ZC3H3: variants seen among roughly 807,000 people sequenced by gnomAD.
ZC3H3 encodes the protein zinc finger CCCH-type containing 3.
A neutral mutation model predicts 77.3 loss-of-function variants in ZC3H3; 36 were observed. That is an observed-to-expected ratio of 0.47 (90% confidence interval 0.36 to 0.61). The LOEUF (loss-of-function observed/expected upper bound fraction) is 0.61, where lower values mean the gene tolerates loss of function less well. Among genes scored for constraint, ZC3H3 ranks in the 20% least tolerant of loss-of-function variants. The pLI is 0.00. For missense variants in ZC3H3, 1,331 were observed against 1,312.2 expected (o/e 1.01, Z -0.22); for synonymous variants, 626 against 555.2 (o/e 1.13, Z -1.79).
chr8:143,515,673 C>T (rs1010464508), intron 3 of ZC3H3, among the ~76,000 whole-genome samples: 30 of 152,204 alleles, frequency 2.0e-4, no homozygotes, highest in African/African-American at 7.2e-4. Flanking sequence ...CCAGCCACAT[C>T]AGCTGAGGGC....
chr8:143,484,791 G>T (rs913778654), intron 4 of ZC3H3: 2 of 409,240 alleles, frequency 4.9e-6, no homozygotes, highest in Non-Finnish European at 9.7e-6. Flanking sequence ...GGACCCCTCA[G>T]GTCACTGCTG....
chr8:143,534,050 A>T (rs1425512984), intron 3 of ZC3H3, among the ~76,000 whole-genome samples: 1 of 151,950 alleles, frequency 6.6e-6, no homozygotes, highest in Non-Finnish European at 1.5e-5. Context: ...TTAAGAGACT[A>T]AGGCAGGAGG....
At position 143,471,961 on chromosome 8, in the gene ZC3H3, G is replaced by A. The variant is rs538209574; in HGVS notation, c.1904-3302C>T. On this transcript the variant is annotated intron_variant, in intron 5 of 11. Transcript: ENST00000262577. ...AGCTGGAGCTGTGGCCTCGCCTGTC[G>A]ACCCAAAGGGCGAGTGCGGCCTCAC... Among the ~76,000 whole-genome samples the A allele has an allele frequency of 1.1e-3, 172 of 152,340 alleles. 3 individuals are homozygous for A. Among genetic ancestry groups the A allele is most frequent in the African/African-American group, 3.7e-3 (153 of 41,568 alleles).
At chr8:143,452,754 C>T (rs115044018) in intron 9 of ZC3H3, among the ~76,000 whole-genome samples, 3,542 of 152,206 alleles carry the variant, frequency 0.023, 143 homozygotes, top group African/African-American at 0.081. Context: ...GACAGAATAA[C>T]AGAAATTAAC....
At chr8:143,485,934 C>T (rs1343805230) in intron 4 of ZC3H3, among the ~76,000 whole-genome samples, 1 of 152,272 alleles carries the variant, frequency 6.6e-6, no homozygotes, top group Non-Finnish European at 1.5e-5. Context: ...AGACACGGGC[C>T]TGAGAATCCT....
intron 3 of ZC3H3, among the ~76,000 whole-genome samples, chr8:143,512,590 G>A (rs967201288): frequency 6.6e-6 from 1 of 152,160 alleles, no homozygotes; most frequent in African/African-American, 2.4e-5. Context: ...CAGGCAAGCA[G>A]GACACGGCCT....
rs756678279 is a variant in ZC3H3, at chr8:143,538,189, C to T, written c.1178G>A (p.Arg393His). 11 of 1,612,996 alleles carry T rather than the reference C, an allele frequency of 6.8e-6. No individual in the cohort carries two copies. The highest frequency in any genetic ancestry group is 4.5e-5 in the East Asian group (2 of 44,888). ...CTTGCTGCTGGCCTCCGACTGCCAA[C>T]GGAAGGAGGAAGAGGAGGAGGCAGA... ...SPSASSSSSF[R>H]WQSEASSKDH... The change falls in exon 2 of 12, where the codon CGT (arginine) becomes CAT (histidine). Residue 393 changes from arginine to histidine, a missense_variant. By Grantham distance (29) the Arg-to-His change is conservative. Transcript: ENST00000262577.
chr8:143,458,972 A>G (rs75989265), intron 9 of ZC3H3, among the ~76,000 whole-genome samples: 2,053 of 152,230 alleles, frequency 0.013, 45 homozygotes, highest in African/African-American at 0.045. Context: ...AAAAAAAAAG[A>G]AAAAGAAAGA....
At chr8:143,450,687 C>A (rs759333324) in intron 9 of ZC3H3, among the ~76,000 whole-genome samples, 8 of 152,126 alleles carry the variant, frequency 5.3e-5, no homozygotes, top group Non-Finnish European at 8.8e-5. Context: ...GGAGGTGCTA[C>A]ACACTTTTAA....
chr8:143,503,153 C>T (rs188265406), intron 4 of ZC3H3, among the ~76,000 whole-genome samples: 35 of 152,334 alleles, frequency 2.3e-4, no homozygotes, highest in African/African-American at 5.8e-4. Context: ...GCTGTTGCCC[C>T]GCCCCAAGCA....
At chr8:143,448,726 CTCTTCT>C (rs1248022909) in intron 9 of ZC3H3, among the ~76,000 whole-genome samples, 1 of 152,226 alleles carries the variant, frequency 6.6e-6, no homozygotes, top group Non-Finnish European at 1.5e-5. Context: ...GACAGTGGCC[CTCTTCT>C]CACAGCTCCA....
chr8:143,476,691 G>A (rs1314654838), intron 4 of ZC3H3, among the ~76,000 whole-genome samples: 4 of 152,218 alleles, frequency 2.6e-5, no homozygotes, highest in African/African-American at 9.7e-5. Context: ...GACATTTTTG[G>A]GCAGCCATGG....
Position 143,494,119 on chromosome 8 carries a change from C to T in ZC3H3, c.1715+13627G>A, listed in dbSNP as rs1310076856. 1.3e-5 allele frequency among the ~76,000 whole-genome samples: 2 copies of T among 152,164 alleles called. No homozygotes were observed. Among genetic ancestry groups the T allele is most frequent in the Non-Finnish European group, 2.9e-5 (2 of 68,026 alleles). ...GGGGAAGGGGAGCGCTGAGGGCCAT[C>T]CCCACAGGCCTCCCCAGGGCCAGGA... On this transcript the variant is annotated intron_variant, in intron 4 of 11. Transcript: ENST00000262577. The surrounding 1 kb of genome is among the most constrained non-coding windows in gnomAD (Gnocchi z 5.3).
At position 143,538,789 on chromosome 8, in the gene ZC3H3, T is replaced by G; in HGVS notation, c.578A>C (p.Gln193Pro). The change falls in exon 2 of 12, where the codon CAG becomes CCG. Residue 193 changes from glutamine (Q) to proline (P), a missense_variant. Coordinates refer to ENST00000262577, the MANE Select transcript of ZC3H3 (RefSeq NM_015117.3). ...CSVEDPLLVC[Q>P]KEPGKPRMVK... ...CATCCTGGGCTTACCAGGCTCCTTC[T>G]GGCAGACCAGAAGAGGATCTTCCAC... 1 of 1,612,372 alleles carries G rather than the reference T, an allele frequency of 6.2e-7. No homozygotes were observed. Among genetic ancestry groups the G allele is most frequent in the Non-Finnish European group, 8.5e-7 (1 of 1,179,876 alleles).
chr8:143,447,842 C>T (rs933227775), intron 9 of ZC3H3, among the ~76,000 whole-genome samples: 1 of 152,170 alleles, frequency 6.6e-6, no homozygotes, highest in East Asian at 1.9e-4. Context: ...CATTAGTAAC[C>T]GGCAGGGATG....
intron 4 of ZC3H3, among the ~76,000 whole-genome samples, chr8:143,502,248 C>CTTCACTGTGT (rs1563864102): frequency 5.3e-5 from 8 of 152,248 alleles, no homozygotes; most frequent in African/African-American, 1.9e-4. Flanking sequence ...CGGCCCCAGC[C>CTTCACTGTGT]GACGAAGACA....
At chr8:143,523,015 C>A (rs1276162136) in intron 3 of ZC3H3, among the ~76,000 whole-genome samples, 2 of 152,314 alleles carry the variant, frequency 1.3e-5, no homozygotes, top group East Asian at 3.9e-4. Context: ...ATACACAGAA[C>A]CTGAGCCCCC....
At chr8:143,452,622 A>G (rs927837340) in intron 9 of ZC3H3, among the ~76,000 whole-genome samples, 2 of 151,582 alleles carry the variant, frequency 1.3e-5, no homozygotes, top group Admixed American at 1.3e-4. Flanking sequence ...AGAAAGTATC[A>G]ACAGAGAAAA....
chr8:143,539,364 G>A (rs780927589), intron 1 of ZC3H3, 44 bp from the exon 2 acceptor site: 19 of 1,529,892 alleles, frequency 1.2e-5, no homozygotes, highest in Admixed American at 3.8e-5. Context: ...GAGGGTAACC[G>A]CGATAATCAT....
Sources: allele counts gnomAD v4.1 joint callset (sites outside exome capture counted in the v4.1 genomes callset), GRCh38; gene constraint gnomAD v4.1.1; non-coding constraint Gnocchi (gnomAD v3.1); transcripts MANE v1.5; gene names NCBI Gene and HGNC (gene_info 2026-07-23, HGNC 2026-07-21).